Variants in CDH12 observed in about 807,000 individuals in gnomAD.
The protein encoded by CDH12 is cadherin-12.
CDH12 carries 41 observed loss-of-function variants against 74.1 expected under a neutral mutation model. That is an observed-to-expected ratio of 0.55 (90% CI 0.43 to 0.72). The LOEUF (loss-of-function observed/expected upper bound fraction) is 0.72. Among genes scored for constraint, CDH12 ranks in the 30% least tolerant of loss-of-function variants. CDH12 has a pLI of 0.00. For synonymous variants in CDH12, 399 were observed against 355.0 expected (o/e 1.12, Z -1.39); for missense variants, 945 against 977.2 (o/e 0.97, Z 0.44).
At chr5:21,902,729 G>A (rs889727493) in intron 6 of CDH12, among the ~76,000 whole-genome samples, 6 of 152,018 alleles carry the variant, frequency 3.9e-5, no homozygotes, top group African/African-American at 1.4e-4. Flanking sequence ...ATATAAATAA[G>A]AAACTAAACT....
intron 4 of CDH12, among the ~76,000 whole-genome samples, chr5:22,117,266 T>C (rs1024292023): frequency 6.7e-6 from 1 of 150,030 alleles, no homozygotes; most frequent in African/African-American, 2.5e-5. Flanking sequence ...AAGAAACAAG[T>C]TGAAGACAAA....
intron 4 of CDH12, among the ~76,000 whole-genome samples, chr5:22,098,237 G>T: frequency 6.6e-6 from 1 of 152,118 alleles, no homozygotes; most frequent in East Asian, 1.9e-4. Context: ...CTTCAGTCAA[G>T]CCCAAATTTC....
intron 5 of CDH12, among the ~76,000 whole-genome samples, chr5:21,996,105 GTTTTTT>G (rs61516659): frequency 3.5e-5 from 4 of 113,626 alleles, no homozygotes; most frequent in African/African-American, 8.4e-5. Context: ...TCACACACAC[GTTTTTT>G]TTTTTTTTTT....
chr5:22,430,196 G>C (rs1276820794), intron 2 of CDH12, among the ~76,000 whole-genome samples: 1 of 152,048 alleles, frequency 6.6e-6, no homozygotes, highest in African/African-American at 2.4e-5. Flanking sequence ...TGTACTCTTT[G>C]CATGCTCCAG....
At chr5:22,369,250 C>G (rs72744836) in intron 3 of CDH12, among the ~76,000 whole-genome samples, 1 of 152,010 alleles carries the variant, frequency 6.6e-6, no homozygotes, top group Non-Finnish European at 1.5e-5. Flanking sequence ...TTGCTTCATA[C>G]GCTAAAAGCT....
chr5:22,385,908 T>TTTTTA (rs1741977487), intron 3 of CDH12, among the ~76,000 whole-genome samples: 1 of 148,804 alleles, frequency 6.7e-6, no homozygotes, highest in African/African-American at 2.5e-5. Context: ...TTTTTTTTTT[T>TTTTTA]GAGACTGAGT....
At chr5:22,453,474 TA>T (rs911949582) in intron 2 of CDH12, among the ~76,000 whole-genome samples, 1 of 152,090 alleles carries the variant, frequency 6.6e-6, no homozygotes, top group Non-Finnish European at 1.5e-5. Context: ...TTAAGTGAAA[TA>T]AGACAAGCAC....
intron 4 of CDH12, among the ~76,000 whole-genome samples, chr5:22,154,530 T>C (rs1747887139): frequency 6.9e-6 from 1 of 144,294 alleles, no homozygotes; most frequent in Non-Finnish European, 1.5e-5. Flanking sequence ...TATATACACA[T>C]ATGTATATAT....
chr5:22,054,534 C>G (rs1740605851), intron 5 of CDH12, among the ~76,000 whole-genome samples: 1 of 151,960 alleles, frequency 6.6e-6, no homozygotes, highest in African/African-American at 2.4e-5. Flanking sequence ...AAGAAACTTC[C>G]CACTGAGAAG....
intron 1 of CDH12, among the ~76,000 whole-genome samples, chr5:22,747,394 T>C (rs1355698340): frequency 6.8e-6 from 1 of 148,110 alleles, no homozygotes; most frequent in Non-Finnish European, 1.5e-5. Context: ...GAGGCCAACA[T>C]GGGCAGATTG....
intron 3 of CDH12, among the ~76,000 whole-genome samples, chr5:22,347,207 A>G (rs1006722712): frequency 6.6e-5 from 10 of 152,116 alleles, no homozygotes; most frequent in African/African-American, 2.2e-4. Context: ...TTGCCAAAGG[A>G]GATTAACATT....
intron 1 of CDH12, among the ~76,000 whole-genome samples, chr5:22,614,211 G>T (rs1338965738): frequency 1.3e-5 from 2 of 152,044 alleles, no homozygotes; most frequent in Admixed American, 6.6e-5. Flanking sequence ...GCTCTCATTT[G>T]GACTTGTTGC....
At chr5:22,645,353 C>A (rs1739382636) in intron 1 of CDH12, among the ~76,000 whole-genome samples, 1 of 152,056 alleles carries the variant, frequency 6.6e-6, no homozygotes, top group Non-Finnish European at 1.5e-5. Flanking sequence ...GAGGAAGTAA[C>A]TGCAGATGTG....
At chr5:22,009,164 G>T (rs970104477) in intron 5 of CDH12, among the ~76,000 whole-genome samples, 8 of 152,116 alleles carry the variant, frequency 5.3e-5, no homozygotes, top group African/African-American at 1.9e-4. Flanking sequence ...AATATACCCT[G>T]TTCTTACACT....
chr5:21,952,084 T>C (rs942357478), intron 6 of CDH12, among the ~76,000 whole-genome samples: 1 of 152,202 alleles, frequency 6.6e-6, no homozygotes, highest in Non-Finnish European at 1.5e-5. Flanking sequence ...TCATCTGTTA[T>C]TGAGTTCTCT....
At chr5:22,757,873 C>G (rs1292334250) in intron 1 of CDH12, among the ~76,000 whole-genome samples, 1 of 152,170 alleles carries the variant, frequency 6.6e-6, no homozygotes, top group East Asian at 1.9e-4. Flanking sequence ...CCCATTCAAG[C>G]TACATAATTA....
At chr5:22,223,170 G>A (rs1380932331) in intron 3 of CDH12, among the ~76,000 whole-genome samples, 3 of 151,948 alleles carry the variant, frequency 2.0e-5, no homozygotes, top group Non-Finnish European at 4.4e-5. Flanking sequence ...CTGCTTCAAA[G>A]CAACACATGT....
At position 21,765,050 on chromosome 5, in the gene CDH12, A is replaced by C; in HGVS notation, c.1443T>G (p.Asp481Glu). ...SKVNILINVL[D>E]VNEFPPEISV... ...ATATTTCTGGAGGAAATTCATTTAC[A>C]TCTAAGACATTAATCAGTATATTGA... Residue 481 changes from aspartate (D) to glutamate (E), a missense_variant, in exon 12 of 15, where the codon GAT (aspartate) becomes GAG (glutamate). Transcript: ENST00000382254. The C allele has an allele frequency of 6.2e-7, 1 of 1,610,280 alleles. No individual in the cohort carries two copies. The highest frequency in any genetic ancestry group is 8.5e-7 in the Non-Finnish European group (1 of 1,177,438).
intron 5 of CDH12, among the ~76,000 whole-genome samples, chr5:22,027,543 G>C (rs1423645253): frequency 6.6e-6 from 1 of 152,164 alleles, no homozygotes; most frequent in Non-Finnish European, 1.5e-5. Context: ...TTAGTCTTGG[G>C]AGGGTGTATG....
Sources: gnomAD v4.1 joint callset for allele counts (sites outside exome capture counted in the v4.1 genomes callset) on GRCh38, gnomAD v4.1.1 for gene constraint, MANE v1.5 for transcripts, NCBI Gene and HGNC (gene_info 2026-07-23, HGNC 2026-07-21) for gene names.